The following ALK variants were observed in gnomAD, a reference collection of about 807,000 sequenced individuals.
ALK encodes ALK tyrosine kinase receptor.
A neutral mutation model predicts 163.1 loss-of-function variants in ALK; 74 were observed. The observed-to-expected ratio is 0.45, with a 90% CI of 0.38 to 0.55. The LOEUF (loss-of-function observed/expected upper bound fraction) is 0.55. Ranked by LOEUF, ALK falls within the 20% of genes least tolerant of loss-of-function variation. The pLI is 0.00. For missense variants in ALK, 2,063 were observed against 2,105.3 expected (o/e 0.98, Z 0.39); for synonymous variants, 960 against 843.2 (o/e 1.14, Z -2.40).
chr2:29,670,850 T>C (rs1380638793), intron 3 of ALK, among the ~76,000 whole-genome samples: 1 of 152,102 alleles, frequency 6.6e-6, no homozygotes, highest in Non-Finnish European at 1.5e-5. Context: ...GTTTTATTTT[T>C]AAAAACTATT....
chr2:29,785,709 T>C (rs1572377425), intron 1 of ALK, among the ~76,000 whole-genome samples: 1 of 152,152 alleles, frequency 6.6e-6, no homozygotes, highest in South Asian at 2.1e-4. Flanking sequence ...AATCCTGCAG[T>C]GGGAAAATTA....
intron 1 of ALK, among the ~76,000 whole-genome samples, chr2:29,911,620 T>C (rs1667704818): frequency 6.6e-6 from 1 of 152,174 alleles, no homozygotes; most frequent in South Asian, 2.1e-4. Flanking sequence ...GGGCCTCAGC[T>C]CACCTGAGTG....
chr2:29,198,696 A>G (rs1358124040), intron 26 of ALK, among the ~76,000 whole-genome samples: 1 of 152,246 alleles, frequency 6.6e-6, no homozygotes, highest in Admixed American at 6.5e-5. Flanking sequence ...ATTCTTAATA[A>G]TAATGACAAC....
intron 1 of ALK, among the ~76,000 whole-genome samples, chr2:29,854,761 A>T (rs7566927): frequency 0.72 from 109,567 of 152,062 alleles, 39,938 homozygotes; most frequent in Non-Finnish European, 0.78. Context: ...AGCCCTAATG[A>T]TTGAATATAT....
intron 1 of ALK, among the ~76,000 whole-genome samples, chr2:29,752,199 A>G (rs1008164300): frequency 1.1e-4 from 17 of 152,238 alleles, no homozygotes; most frequent in Admixed American, 3.3e-4. Context: ...TATTTTTATT[A>G]TTATAAAATA....
intron 1 of ALK, among the ~76,000 whole-genome samples, chr2:29,812,447 C>T (rs1246858928): frequency 6.6e-6 from 1 of 152,122 alleles, no homozygotes; most frequent in Non-Finnish European, 1.5e-5. Flanking sequence ...GGTGAGCTGA[C>T]TGCAACACAC....
At chr2:29,391,437 A>C (rs538313614) in intron 4 of ALK, among the ~76,000 whole-genome samples, 25 of 151,880 alleles carry the variant, frequency 1.6e-4, no homozygotes, top group African/African-American at 5.8e-4. Flanking sequence ...AGTAGCTGGG[A>C]TTATAGGTGT....
At chr2:29,336,158 A>G (rs150666729) in intron 5 of ALK, among the ~76,000 whole-genome samples, 1 of 152,326 alleles carries the variant, frequency 6.6e-6, no homozygotes, top group East Asian at 1.9e-4. Flanking sequence ...ATGCCTCTGT[A>G]TCAGGGATGG....
At chr2:29,854,883 T>C (rs1263094580) in intron 1 of ALK, among the ~76,000 whole-genome samples, 1 of 152,248 alleles carries the variant, frequency 6.6e-6, no homozygotes, top group African/African-American at 2.4e-5. Flanking sequence ...TGTAGTTAAA[T>C]ATACTAGCTC....
At chr2:29,531,797 C>G in intron 4 of ALK, 118 bp downstream of exon 4, 1 of 1,076,380 alleles carries the variant, frequency 9.3e-7, no homozygotes, top group Non-Finnish European at 1.4e-6. Flanking sequence ...TCAACCTGGA[C>G]CTACCGATTA....
At chr2:29,705,270 TATATATATATAA>T (rs1387323172) in intron 2 of ALK, among the ~76,000 whole-genome samples, 5,715 of 64,074 alleles carry the variant, frequency 0.089, 469 homozygotes, top group African/African-American at 0.32. Context: ...TATATATATA[TATATATATATAA>T]ATATATATCT....
intron 2 of ALK, among the ~76,000 whole-genome samples, chr2:29,716,540 A>C (rs1487775656): frequency 6.6e-6 from 1 of 152,148 alleles, no homozygotes; most frequent in African/African-American, 2.4e-5. Flanking sequence ...ATACCATGTA[A>C]AGGCAGCCTC....
chr2:29,835,546 C>T (rs929864389), intron 1 of ALK, among the ~76,000 whole-genome samples: 3 of 152,152 alleles, frequency 2.0e-5, no homozygotes, highest in Non-Finnish European at 2.9e-5. Flanking sequence ...TACAGATTCC[C>T]CATTCACCAC....
At chr2:29,306,033 C>T (rs913158328) in intron 8 of ALK, among the ~76,000 whole-genome samples, 1 of 151,732 alleles carries the variant, frequency 6.6e-6, no homozygotes, top group Non-Finnish European at 1.5e-5. Context: ...TTGCCTGCCA[C>T]TCACCTCCTG....
intron 4 of ALK, among the ~76,000 whole-genome samples, chr2:29,425,315 G>C (rs1398286052): frequency 6.6e-6 from 1 of 152,034 alleles, no homozygotes; most frequent in Non-Finnish European, 1.5e-5. Flanking sequence ...CTTTCCCCCG[G>C]CCCCTAATTC....
At chr2:29,423,806 A>C (rs1289876876) in intron 4 of ALK, among the ~76,000 whole-genome samples, 1 of 152,222 alleles carries the variant, frequency 6.6e-6, no homozygotes, top group Non-Finnish European at 1.5e-5. Context: ...ACATAAACAC[A>C]TTCTCATATG....
intron 3 of ALK, among the ~76,000 whole-genome samples, chr2:29,598,996 A>T (rs913586383): frequency 1.1e-4 from 17 of 152,126 alleles, no homozygotes; most frequent in East Asian, 3.9e-4. Flanking sequence ...CAAAAAAAAA[A>T]TTTTTTTCCT....
chr2:29,901,034 C>CAAGA (rs70962249), intron 1 of ALK, among the ~76,000 whole-genome samples: 1 of 151,636 alleles, frequency 6.6e-6, no homozygotes, highest in Non-Finnish European at 1.5e-5. Flanking sequence ...AGCAAGCAAG[C>CAAGA]TTTTCCTCAT....
At chr2:29,272,147 T>C (rs1170739585) in intron 11 of ALK, among the ~76,000 whole-genome samples, 3 of 127,966 alleles carry the variant, frequency 2.3e-5, no homozygotes, top group Non-Finnish European at 5.1e-5. Context: ...GGGAAAGAGA[T>C]AGAAAGAGAG....
Sources: gnomAD v4.1 joint callset for allele counts (sites outside exome capture counted in the v4.1 genomes callset) on GRCh38, gnomAD v4.1.1 for gene constraint, MANE v1.5 for transcripts, NCBI Gene and HGNC (gene_info 2026-07-23, HGNC 2026-07-21) for gene names.